The following COMMD10 variants were observed in gnomAD, a reference collection of about 807,000 sequenced individuals.
The protein encoded by COMMD10 is COMM domain-containing protein 10.
COMMD10 carries 33 observed loss-of-function variants against 28.9 expected under a neutral mutation model. The observed-to-expected ratio is 1.14, with a 90% CI of 0.87 to 1.53. COMMD10 has a LOEUF of 1.53. COMMD10 is among the 40% of genes most tolerant of loss of function. The pLI is 0.00. For synonymous variants in COMMD10, 110 were observed against 81.7 expected (o/e 1.35, Z -1.87); for missense variants, 310 against 233.4 (o/e 1.33, Z -2.14).
intron 5 of COMMD10, among the ~76,000 whole-genome samples, chr5:116,241,477 A>G (rs1451745713): frequency 6.6e-6 from 1 of 152,190 alleles, no homozygotes; most frequent in Admixed American, 6.5e-5. Context: ...TTTACTAAAA[A>G]GTGCCACAGA....
chr5:116,139,999 A>G (rs1752145127), intron 5 of COMMD10, among the ~76,000 whole-genome samples: 1 of 151,714 alleles, frequency 6.6e-6, no homozygotes. Flanking sequence ...TATTTATCCT[A>G]CATAACTGCA....
chr5:116,136,758 A>G (rs1752036069), intron 5 of COMMD10, among the ~76,000 whole-genome samples: 1 of 152,174 alleles, frequency 6.6e-6, no homozygotes, highest in Admixed American at 6.5e-5. Flanking sequence ...GAGATTTTGG[A>G]TAGATGCATA....
intron 4 of COMMD10, among the ~76,000 whole-genome samples, chr5:116,117,303 C>A (rs747451500): frequency 5.3e-5 from 8 of 152,076 alleles, no homozygotes; most frequent in Non-Finnish European, 1.2e-4. Flanking sequence ...ATGGGGATTG[C>A]TGATCCCCCA....
intron 5 of COMMD10, among the ~76,000 whole-genome samples, 187 bp downstream of exon 5, chr5:116,134,365 A>G (rs1296769066): frequency 6.6e-6 from 1 of 152,188 alleles, no homozygotes; most frequent in Admixed American, 6.5e-5. Flanking sequence ...AAAACATTTC[A>G]TAATGTCTTC....
chr5:116,189,559 A>G (rs949606120), intron 5 of COMMD10, among the ~76,000 whole-genome samples: 3 of 152,168 alleles, frequency 2.0e-5, no homozygotes, highest in Non-Finnish European at 4.4e-5. Context: ...TTAACCAGAA[A>G]TCACTTCCAT....
chr5:116,196,698 C>G (rs970738412), intron 5 of COMMD10, among the ~76,000 whole-genome samples: 8 of 151,582 alleles, frequency 5.3e-5, no homozygotes, highest in African/African-American at 1.9e-4. Context: ...TCAAACATCC[C>G]TTATGCTGTT....
intron 5 of COMMD10, among the ~76,000 whole-genome samples, chr5:116,250,449 G>A (rs1472590351): frequency 6.6e-6 from 1 of 151,336 alleles, no homozygotes; most frequent in Non-Finnish European, 1.5e-5. Flanking sequence ...CATAATTGGA[G>A]ATACTAGATG....
chr5:116,116,819 C>T (rs1048878784), intron 4 of COMMD10, among the ~76,000 whole-genome samples: 2 of 151,552 alleles, frequency 1.3e-5, no homozygotes, highest in East Asian at 1.9e-4. Flanking sequence ...CCCGGGTTCA[C>T]GCCATTCTCC....
chr5:116,206,686 G>C (rs1324317239), intron 5 of COMMD10, among the ~76,000 whole-genome samples: 1 of 151,924 alleles, frequency 6.6e-6, no homozygotes, highest in Non-Finnish European at 1.5e-5. Context: ...AAAAATTGGA[G>C]ACAGCTGTTC....
At chr5:116,209,935 A>G (rs1344750147) in intron 5 of COMMD10, among the ~76,000 whole-genome samples, 1 of 152,138 alleles carries the variant, frequency 6.6e-6, no homozygotes, top group Non-Finnish European at 1.5e-5. Flanking sequence ...AAGAATAGAG[A>G]TTTATTTGAC....
At chr5:116,176,590 T>C (rs184530978) in intron 5 of COMMD10, among the ~76,000 whole-genome samples, 1 of 152,286 alleles carries the variant, frequency 6.6e-6, no homozygotes, top group East Asian at 1.9e-4. Flanking sequence ...TTTTACTTTC[T>C]CATGTATATA....
intron 4 of COMMD10, among the ~76,000 whole-genome samples, chr5:116,104,953 T>C (rs1750790718): frequency 6.6e-6 from 1 of 152,218 alleles, no homozygotes; most frequent in South Asian, 2.1e-4. Context: ...TTTCTTTCTT[T>C]CTCTTGCCTG....
intron 5 of COMMD10, among the ~76,000 whole-genome samples, chr5:116,203,573 G>A (rs1748730072): frequency 6.6e-6 from 1 of 152,100 alleles, no homozygotes; most frequent in African/African-American, 2.4e-5. Context: ...AGAAGAGAGT[G>A]GGGGCCAATA....
intron 5 of COMMD10, among the ~76,000 whole-genome samples, chr5:116,282,509 A>C (rs1751098743): frequency 6.6e-6 from 1 of 151,854 alleles, no homozygotes; most frequent in Non-Finnish European, 1.5e-5. Context: ...TATGATAAAG[A>C]TCTCTTTTAT....
chr5:116,243,934 A>C (rs556655576), intron 5 of COMMD10, among the ~76,000 whole-genome samples: 1 of 152,188 alleles, frequency 6.6e-6, no homozygotes, highest in Non-Finnish European at 1.5e-5. Flanking sequence ...TTAAGATGCA[A>C]TTTGAAACTT....
At chr5:116,158,986 A>T (rs1177163139) in intron 5 of COMMD10, among the ~76,000 whole-genome samples, 1 of 152,110 alleles carries the variant, frequency 6.6e-6, no homozygotes, top group East Asian at 1.9e-4. Context: ...TCATTAATGT[A>T]GTCCAGGAAA....
At chr5:116,215,901 T>C (rs542703190) in intron 5 of COMMD10, among the ~76,000 whole-genome samples, 1 of 151,698 alleles carries the variant, frequency 6.6e-6, no homozygotes, top group African/African-American at 2.4e-5. Context: ...CAGATGAATA[T>C]TGGAAAATAT....
intron 5 of COMMD10, among the ~76,000 whole-genome samples, chr5:116,201,048 C>G (rs72804882): frequency 1.3e-5 from 2 of 152,068 alleles, no homozygotes; most frequent in Non-Finnish European, 2.9e-5. Flanking sequence ...GTTTTTTTAT[C>G]CTTCTCCAGT....
At chr5:116,150,298 C>A (rs1340335865) in intron 5 of COMMD10, among the ~76,000 whole-genome samples, 2 of 152,090 alleles carry the variant, frequency 1.3e-5, no homozygotes, top group African/African-American at 2.4e-5. Flanking sequence ...TGTGATGCCT[C>A]CAGCTTTTTT....
Sources: allele counts gnomAD v4.1 joint callset (sites outside exome capture counted in the v4.1 genomes callset), GRCh38; gene constraint gnomAD v4.1.1; transcripts MANE v1.5; gene names NCBI Gene and HGNC (gene_info 2026-07-23, HGNC 2026-07-21).